Variants in HPSE2 observed in about 807,000 individuals in gnomAD.
The protein encoded by HPSE2 is inactive heparanase-2.
In HPSE2, 38 loss-of-function variants were observed where a neutral mutation model predicts 60.5. The ratio of observed to expected loss-of-function variants is 0.63; its 90% CI spans 0.48 to 0.82. The LOEUF (loss-of-function observed/expected upper bound fraction) is 0.82. Ranked by LOEUF, HPSE2 falls within the 40% of genes least tolerant of loss-of-function variation. The pLI, the probability that HPSE2 is intolerant of heterozygous loss-of-function variation, is 0.00. For missense variants in HPSE2, 713 were observed against 740.4 expected (o/e 0.96, Z 0.43); for synonymous variants, 295 against 293.2 (o/e 1.01, Z -0.06).
At chr10:99,196,372 T>C (rs1028321260) in intron 2 of HPSE2, among the ~76,000 whole-genome samples, 2 of 151,990 alleles carry the variant, frequency 1.3e-5, no homozygotes, top group African/African-American at 4.8e-5. Flanking sequence ...CACATCAAGT[T>C]AAAAAGCTTC....
At chr10:98,866,031 T>C (rs556131863) in intron 3 of HPSE2, among the ~76,000 whole-genome samples, 3 of 152,256 alleles carry the variant, frequency 2.0e-5, no homozygotes, top group South Asian at 2.1e-4. Flanking sequence ...GATTACTTAG[T>C]ATGCAAAGAG....
chr10:98,884,493 G>C (rs1953111564), intron 3 of HPSE2, among the ~76,000 whole-genome samples: 1 of 152,118 alleles, frequency 6.6e-6, no homozygotes, highest in Non-Finnish European at 1.5e-5. Flanking sequence ...GGCTAATGCA[G>C]CTGGACTTTA....
chr10:98,497,026 T>TATATTTATATTTA (rs1184117484), intron 9 of HPSE2, among the ~76,000 whole-genome samples: 105 of 152,258 alleles, frequency 6.9e-4, no homozygotes, highest in Non-Finnish European at 1.3e-3. Flanking sequence ...TTATATTATT[T>TATATTTATATTTA]AAAGATTTAA....
At chr10:98,762,603 C>T (rs1480939923) in intron 3 of HPSE2, among the ~76,000 whole-genome samples, 1 of 151,518 alleles carries the variant, frequency 6.6e-6, no homozygotes, top group East Asian at 1.9e-4. Flanking sequence ...CTGAGTGGTA[C>T]ATGTACTGGG....
chr10:98,923,533 T>A (rs1954348892), intron 3 of HPSE2, among the ~76,000 whole-genome samples: 1 of 152,178 alleles, frequency 6.6e-6, no homozygotes, highest in South Asian at 2.1e-4. Flanking sequence ...CTCTTAGATT[T>A]GTCCTTTTCA....
At chr10:99,231,456 CCT>C (rs2133949422) in intron 2 of HPSE2, among the ~76,000 whole-genome samples, 1 of 152,262 alleles carries the variant, frequency 6.6e-6, no homozygotes, top group East Asian at 1.9e-4. Flanking sequence ...CTCCATCGTG[CCT>C]CTTTGAAAGT....
intron 9 of HPSE2, among the ~76,000 whole-genome samples, chr10:98,589,551 C>T (rs1945030921): frequency 1.3e-5 from 2 of 152,184 alleles, no homozygotes; most frequent in African/African-American, 4.8e-5. Context: ...CTGTGCCCTA[C>T]AAGAAATCTA....
intron 2 of HPSE2, among the ~76,000 whole-genome samples, chr10:99,162,815 A>ATAG (rs987429367): frequency 6.6e-6 from 1 of 152,124 alleles, no homozygotes; most frequent in African/African-American, 2.4e-5. Context: ...ATTCCAATTA[A>ATAG]TACTATCTAC....
At chr10:98,864,445 G>A (rs1320972549) in intron 3 of HPSE2, among the ~76,000 whole-genome samples, 1 of 152,016 alleles carries the variant, frequency 6.6e-6, no homozygotes, top group Admixed American at 6.6e-5. Context: ...CAACTTGAAG[G>A]CTATATTGCT....
At chr10:99,234,062 A>G (rs918352819) in intron 1 of HPSE2, among the ~76,000 whole-genome samples, 18 of 152,314 alleles carry the variant, frequency 1.2e-4, no homozygotes, top group African/African-American at 4.3e-4. Flanking sequence ...AAGTGGGACA[A>G]GCGTTGCGGA....
At chr10:99,215,838 G>A (rs2133918601) in intron 2 of HPSE2, among the ~76,000 whole-genome samples, 1 of 152,302 alleles carries the variant, frequency 6.6e-6, no homozygotes, top group African/African-American at 2.4e-5. Flanking sequence ...TGGCTGCACA[G>A]CTCTAACTAT....
intron 3 of HPSE2, among the ~76,000 whole-genome samples, chr10:98,796,025 C>A (rs1253918698): frequency 6.6e-6 from 1 of 152,108 alleles, no homozygotes; most frequent in East Asian, 1.9e-4. Context: ...CCAATGATAC[C>A]CAAGTAGTAT....
At chr10:99,124,506 G>C (rs1845088943) in intron 3 of HPSE2, among the ~76,000 whole-genome samples, 2 of 152,188 alleles carry the variant, frequency 1.3e-5, no homozygotes, top group South Asian at 4.1e-4. Flanking sequence ...CCTGTGCTGA[G>C]CCACCCTCAG....
intron 3 of HPSE2, among the ~76,000 whole-genome samples, chr10:99,042,817 CCT>C (rs1380936973): frequency 1.3e-5 from 2 of 152,136 alleles, no homozygotes; most frequent in Non-Finnish European, 2.9e-5. Context: ...GAGGGGGTCA[CCT>C]CTCTCCACAC....
At chr10:98,899,993 G>A (rs1417546427) in intron 3 of HPSE2, among the ~76,000 whole-genome samples, 1 of 151,988 alleles carries the variant, frequency 6.6e-6, no homozygotes, top group Non-Finnish European at 1.5e-5. Flanking sequence ...ATGTTGGCCA[G>A]GCTGGTCTCA....
intron 3 of HPSE2, among the ~76,000 whole-genome samples, chr10:98,823,878 T>C (rs1951481146): frequency 6.6e-6 from 1 of 152,094 alleles, no homozygotes; most frequent in Non-Finnish European, 1.5e-5. Context: ...TCAACAAACG[T>C]CACCTAATAT....
chr10:99,205,943 G>A (rs181052751), intron 2 of HPSE2, among the ~76,000 whole-genome samples: 112 of 152,250 alleles, frequency 7.4e-4, no homozygotes, highest in African/African-American at 2.6e-3. Context: ...TTTCCACCAT[G>A]TTTAGCACAA....
At chr10:99,247,603 T>C in the HPSE2 span, among the ~76,000 whole-genome samples, 6 of 152,198 alleles carry the variant, frequency 3.9e-5, no homozygotes. Flanking sequence ...GAGTGGTGAT[T>C]TGATTTTTTT....
At chr10:99,186,155 A>ACACAC (rs1294707362) in intron 2 of HPSE2, among the ~76,000 whole-genome samples, 1 of 45,978 alleles carries the variant, frequency 2.2e-5, no homozygotes, top group African/African-American at 4.8e-5. Context: ...CACACACACA[A>ACACAC]GGCATATCAT....
Sources: allele counts gnomAD v4.1 joint callset (sites outside exome capture counted in the v4.1 genomes callset), GRCh38; gene constraint gnomAD v4.1.1; transcripts MANE v1.5; gene names NCBI Gene and HGNC (gene_info 2026-07-23, HGNC 2026-07-21).